MAPKAP1: variants seen among roughly 807,000 people sequenced by gnomAD.
MAPKAP1 encodes the protein target of rapamycin complex 2 subunit MAPKAP1.
A neutral mutation model predicts 65.7 loss-of-function variants in MAPKAP1; 20 were observed. That is an observed-to-expected ratio of 0.30 (90% confidence interval 0.21 to 0.44). MAPKAP1 has a LOEUF of 0.44. Among genes scored for constraint, MAPKAP1 ranks in the 20% least tolerant of loss-of-function variants. The pLI is 1.00. For synonymous variants in MAPKAP1, 222 were observed against 244.3 expected (o/e 0.91, Z 0.85); for missense variants, 423 against 648.0 (o/e 0.65, Z 3.77).
intron 9 of MAPKAP1, among the ~76,000 whole-genome samples, chr9:125,482,927 G>A (rs1052062008): frequency 6.6e-6 from 1 of 152,106 alleles, no homozygotes; most frequent in Admixed American, 6.6e-5. Flanking sequence ...CATGTGCTGC[G>A]GCATTTCATC....
At chr9:125,468,683 C>T (rs779820899) in intron 9 of MAPKAP1, among the ~76,000 whole-genome samples, 48 of 152,172 alleles carry the variant, frequency 3.2e-4, no homozygotes, top group Non-Finnish European at 5.7e-4. Context: ...AGGGAAGTCA[C>T]GAGAGGATTA....
At chr9:125,619,328 G>T (rs1351893854) in intron 4 of MAPKAP1, among the ~76,000 whole-genome samples, 1 of 152,040 alleles carries the variant, frequency 6.6e-6, no homozygotes, top group Non-Finnish European at 1.5e-5. Context: ...TCGGAAAAGA[G>T]AAAGTCACAG....
chr9:125,579,070 G>A (rs905486491), intron 5 of MAPKAP1, among the ~76,000 whole-genome samples: 6 of 152,164 alleles, frequency 3.9e-5, no homozygotes, highest in African/African-American at 1.4e-4. Flanking sequence ...TGACCATTTA[G>A]AGATTGAAAT....
At chr9:125,532,032 T>A (rs533885218) in intron 7 of MAPKAP1, among the ~76,000 whole-genome samples, 59 of 152,182 alleles carry the variant, frequency 3.9e-4, no homozygotes, top group Non-Finnish European at 6.5e-4. Flanking sequence ...AATATACAGA[T>A]GATTAGCTTT....
intron 7 of MAPKAP1, among the ~76,000 whole-genome samples, chr9:125,541,973 G>A (rs1419670802): frequency 6.6e-6 from 1 of 152,206 alleles, no homozygotes. Flanking sequence ...CGCCACAGCC[G>A]AGGGTGAACA....
intron 10 of MAPKAP1, among the ~76,000 whole-genome samples, chr9:125,446,502 T>G (rs981721438): frequency 6.6e-6 from 1 of 152,164 alleles, no homozygotes; most frequent in African/African-American, 2.4e-5. Flanking sequence ...TCACAGGATC[T>G]ACCCCACAAC....
chr9:125,466,013 C>T (rs935460860), intron 10 of MAPKAP1, among the ~76,000 whole-genome samples: 1 of 152,210 alleles, frequency 6.6e-6, no homozygotes, highest in African/African-American at 2.4e-5. Context: ...GGCTATGAGG[C>T]TAGCGTGTCA....
intron 7 of MAPKAP1, among the ~76,000 whole-genome samples, chr9:125,516,237 GA>G (rs1829458092): frequency 3.9e-5 from 6 of 152,168 alleles, no homozygotes. Flanking sequence ...GAGTATTGGG[GA>G]AATTATGACC....
chr9:125,570,266 A>G (rs918926701), intron 5 of MAPKAP1, among the ~76,000 whole-genome samples: 1 of 152,270 alleles, frequency 6.6e-6, no homozygotes, highest in African/African-American at 2.4e-5. Flanking sequence ...CAAGAGTCTC[A>G]AATGGTATGG....
chr9:125,567,546 T>C (rs1013580526), intron 5 of MAPKAP1: 3 of 152,204 alleles, frequency 2.0e-5, no homozygotes, highest in African/African-American at 7.2e-5. Context: ...CATCAAGAAA[T>C]AACTATAAAA....
intron 4 of MAPKAP1, among the ~76,000 whole-genome samples, chr9:125,631,824 ACCT>A (rs1833291405): frequency 6.6e-6 from 1 of 151,994 alleles, no homozygotes; most frequent in Non-Finnish European, 1.5e-5. Context: ...CTCCTGCCTA[ACCT>A]CCTCCCATCC....
chr9:125,441,223 T>A (rs185350405), intron 11 of MAPKAP1, among the ~76,000 whole-genome samples: 1 of 152,154 alleles, frequency 6.6e-6, no homozygotes, highest in Admixed American at 6.5e-5. Context: ...GAACCTGATT[T>A]GAAGAGCCCG....
At position 125,649,373 on chromosome 9, in the gene MAPKAP1, G is replaced by A. The variant is rs540475658; in HGVS notation, c.498+8278C>T. ...AACCTCCAACAATTACAATCAACAC[G>A]TCTTAAATGACACCTGGCATCTGCC... On this transcript the variant is annotated intron_variant, in intron 4 of 11. Coordinates refer to ENST00000265960, the MANE Select transcript of MAPKAP1 (RefSeq NM_001006617.3). Among the ~76,000 whole-genome samples, 5 of 152,220 alleles carry A rather than the reference G, an allele frequency of 3.3e-5. No homozygotes were observed. The East Asian group carries it at 9.6e-4, about 29-fold the overall frequency.
At chr9:125,698,288 A>AATATATATAT (rs57303829) in intron 1 of MAPKAP1, among the ~76,000 whole-genome samples, 21 of 49,028 alleles carry the variant, frequency 4.3e-4, no homozygotes, top group South Asian at 6.4e-4. Context: ...AATATATATA[A>AATATATATAT]ATATATATAT....
chr9:125,631,901 G>A (rs761947619), intron 4 of MAPKAP1, among the ~76,000 whole-genome samples: 5 of 152,078 alleles, frequency 3.3e-5, no homozygotes, highest in Non-Finnish European at 7.4e-5. Flanking sequence ...GCGAAGCCCA[G>A]GCCAGGTGTC....
At chr9:125,498,706 A>G (rs1828880472) in intron 8 of MAPKAP1, among the ~76,000 whole-genome samples, 1 of 152,182 alleles carries the variant, frequency 6.6e-6, no homozygotes, top group Admixed American at 6.5e-5. Context: ...TCTCAAACAA[A>G]TGGTTTTATT....
intron 7 of MAPKAP1, among the ~76,000 whole-genome samples, chr9:125,519,652 TTATATATATA>T (rs146480033): frequency 1.4e-5 from 2 of 141,716 alleles, no homozygotes; most frequent in African/African-American, 5.1e-5. Flanking sequence ...TATATGTCTT[TTATATATATA>T]TATATATATA....
At chr9:125,446,292 GA>G (rs1008063492) in intron 10 of MAPKAP1, among the ~76,000 whole-genome samples, 2 of 152,068 alleles carry the variant, frequency 1.3e-5, no homozygotes, top group Non-Finnish European at 2.9e-5. Context: ...ATCCTAAATT[GA>G]AAAAATTACC....
At chr9:125,522,164 C>G (rs1278582778) in intron 7 of MAPKAP1, among the ~76,000 whole-genome samples, 1 of 152,216 alleles carries the variant, frequency 6.6e-6, no homozygotes, top group Non-Finnish European at 1.5e-5. Context: ...TTAGGGACTT[C>G]TACCAACTCT....
Sources: gnomAD v4.1 joint callset for allele counts (sites outside exome capture counted in the v4.1 genomes callset) on GRCh38, gnomAD v4.1.1 for gene constraint, MANE v1.5 for transcripts, NCBI Gene and HGNC (gene_info 2026-07-23, HGNC 2026-07-21) for gene names.